The following ELFN1 variants were observed in gnomAD, a reference collection of about 807,000 sequenced individuals.
ELFN1 encodes the protein extracellular leucine rich repeat and fibronectin type III domain containing 1, also known as protein ELFN1.
In ELFN1, 6 loss-of-function variants were observed where a neutral mutation model predicts 7.6. The observed-to-expected ratio is 0.79, with a 90% CI of 0.43 to 1.56. The LOEUF (loss-of-function observed/expected upper bound fraction) is 1.56. ELFN1 is among the 40% of genes most tolerant of loss of function. ELFN1 has a pLI of 0.01. For missense variants in ELFN1, 1,169 were observed against 1,232.2 expected (o/e 0.95, Z 0.77); for synonymous variants, 657 against 588.1 (o/e 1.12, Z -1.70).
Position 1,745,604 on chromosome 7 carries a change from C to T in ELFN1, c.1008C>T (p.Pro336=). The change falls in exon 4 of 4, where the codon CCC becomes CCT. Residue 336 remains proline, a synonymous_variant. Transcript: ENST00000424383. ...CGGCCACCATCACCGTCCAGCTGCC[C>T]AGCCCGTTCCACCGGATGTACACCC... The part of the protein sequence containing the change: ...QNSATITVQL[P]SPFHRMYTLE... 1.3e-6 allele frequency: 2 copies of T among 1,551,012 alleles called. No individual in the cohort carries two copies. Among genetic ancestry groups the T allele is most frequent in the South Asian group, 2.4e-5 (2 of 84,062 alleles).
upstream of ELFN1, among the ~76,000 whole-genome samples, chr7:1,669,941 C>G (rs2128571951): frequency 6.7e-6 from 1 of 149,576 alleles, no homozygotes; most frequent in Admixed American, 6.7e-5. Flanking sequence ...AGGACGCCCC[C>G]TGCGCTTTCT....
intron 1 of ELFN1, among the ~76,000 whole-genome samples, chr7:1,682,628 T>G (rs1170016676): frequency 1.1e-5 from 1 of 92,416 alleles, no homozygotes; most frequent in African/African-American, 4.2e-5. Context: ...TTTTTTTTTG[T>G]AGAGACAAGG....
At chr7:1,727,327 G>T in intron 3 of ELFN1, among the ~76,000 whole-genome samples, 1 of 152,208 alleles carries the variant, frequency 6.6e-6, no homozygotes, top group East Asian at 1.9e-4. Context: ...TTCTGATGGG[G>T]TTATCTCCTG....
chr7:1,707,211 A>T (rs1779552655), intron 2 of ELFN1, among the ~76,000 whole-genome samples: 1 of 152,196 alleles, frequency 6.6e-6, no homozygotes, highest in African/African-American at 2.4e-5. Context: ...TGGTTCCGTG[A>T]TGTCTGGCTG....
In ELFN1 at chr7:1,746,141, G is replaced by A. The variant is rs540746203; in HGVS notation, c.1545G>A (p.Ala515=). ...EVEQYKLVES[A]DTPKASKGSY... ...AGCAGTACAAGCTGGTGGAGAGCGC[G>A]GACACCCCCAAGGCCAGCAAGGGCA... Residue 515 remains alanine (A), a synonymous_variant, in exon 4 of 4, where the codon GCG becomes GCA. Transcript: ENST00000424383. The A allele has an allele frequency of 2.6e-5, 40 of 1,548,326 alleles. No individual in the cohort carries two copies. The Admixed American group carries it at 4.3e-4, about 17-fold the overall frequency.
Position 1,705,377 on chromosome 7 carries a change from A to G in ELFN1, c.-455-3714A>G, listed in dbSNP as rs768911247. On this transcript the variant is annotated intron_variant, in intron 2 of 3. Coordinates refer to ENST00000424383, the MANE Select transcript of ELFN1 (RefSeq NM_001128636.4). This position sits in a 1 kb window ranked among gnomAD's most constrained non-coding sequence, Gnocchi z 4.3. ...GCAAATGTCAAGTTTGGGCGCCTTCATTTTTCCAACCCTCTCACCCGGACA... is the reference window on the plus strand; with the variant it reads ...GCAAATGTCAAGTTTGGGCGCCTTCGTTTTTCCAACCCTCTCACCCGGACA... Among the ~76,000 whole-genome samples the G allele has an allele frequency of 6.6e-6, 1 of 152,204 alleles. No individual in the cohort carries two copies. Among genetic ancestry groups the G allele is most frequent in the Admixed American group, 6.5e-5 (1 of 15,290 alleles).
intron 3 of ELFN1, among the ~76,000 whole-genome samples, chr7:1,741,499 G>C (rs1780612957): frequency 6.6e-6 from 1 of 152,192 alleles, no homozygotes; most frequent in South Asian, 2.1e-4. Context: ...AGAGCTGGGT[G>C]GGGAGGTGAG....
chr7:1,704,140 G>A (rs1463745025), intron 2 of ELFN1, among the ~76,000 whole-genome samples: 3 of 152,320 alleles, frequency 2.0e-5, no homozygotes, highest in East Asian at 1.9e-4. Context: ...GTGCACAACC[G>A]CTGTTGTTCT....
rs1257180377 is a variant in ELFN1 at position 1,746,189 on chromosome 7, G to A, written c.1593G>A (p.Gly531=). ...SKGSYMEVRT[G]DPPERRDCEL... ...GCAGCTACATGGAGGTTCGAACCGG[G>A]GACCCTCCGGAACGCAGGGACTGTG... is the stretch of plus-strand genomic sequence containing the variant. Residue 531 remains glycine, a synonymous_variant, in exon 4 of 4, where the codon GGG becomes GGA. Coordinates refer to ENST00000424383, the MANE Select transcript of ELFN1 (RefSeq NM_001128636.4). 2.6e-6 allele frequency: 4 copies of A among 1,550,872 alleles called. No homozygotes were observed. The highest frequency in any genetic ancestry group is 2.0e-5 in the Admixed American group (1 of 51,076).
chr7:1,735,249 C>T lies in ELFN1; in HGVS notation c.-293-9055C>T, dbSNP rs1387785246. Among the ~76,000 whole-genome samples, 6 of 152,188 alleles carry T rather than the reference C, an allele frequency of 3.9e-5. No homozygotes were observed. Among genetic ancestry groups the T allele is most frequent in the Non-Finnish European group, 7.4e-5 (5 of 68,026 alleles). On this transcript the variant is annotated intron_variant, in intron 3 of 3. Transcript: ENST00000424383. This position sits in a 1 kb window ranked among gnomAD's most constrained non-coding sequence, Gnocchi z 5.9. Reference sequence around the variant, plus strand: ...GTTGCACACTTGTAGGGTGTTCCTGCTCTTGGGGGCAGGGCAGGGGGAGCC... The same window carrying T: ...GTTGCACACTTGTAGGGTGTTCCTGTTCTTGGGGGCAGGGCAGGGGGAGCC...
chr7:1,732,512 T>A (rs1780346233), intron 3 of ELFN1, among the ~76,000 whole-genome samples: 1 of 152,262 alleles, frequency 6.6e-6, no homozygotes, highest in Non-Finnish European at 1.5e-5. Flanking sequence ...CTCAACATAG[T>A]GTCAGGGCAA....
At chr7:1,704,783 A>G (rs1240736002) in intron 2 of ELFN1, among the ~76,000 whole-genome samples, 1 of 151,968 alleles carries the variant, frequency 6.6e-6, no homozygotes, top group African/African-American at 2.4e-5. Flanking sequence ...TTGAGTGGCA[A>G]CGTCACCTGT....
rs1780720788 is a variant in ELFN1, at chr7:1,744,573, G to A, written c.-24G>A. The A allele has an allele frequency of 1.4e-6, 2 of 1,469,522 alleles. No homozygotes were observed. Among genetic ancestry groups the A allele is most frequent in the Admixed American group, 2.6e-5 (1 of 38,300 alleles). The allele number at this position is 1,469,522 out of a possible 1,614,324, so 91.0% of individuals were successfully genotyped here. A position where few individuals can be genotyped will look rare whatever the true frequency, so the allele number is the denominator to read the frequency against. ...CTGGTCCCCCTGGGCAGGCTGAATT[G>A]GGGCTCCCTGCAGGGCGGTCCCGAT... On this transcript the variant is annotated 5_prime_UTR_variant, in exon 4 of 4. Coordinates refer to ENST00000424383, the MANE Select transcript of ELFN1 (RefSeq NM_001128636.4).
Position 1,685,537 on chromosome 7 carries a change from A to G in ELFN1, c.-548-2521A>G, listed in dbSNP as rs190444954. The stretch of plus-strand genomic sequence containing the variant: ...TGTGTTCTTTAGATTGAATACTTCT[A>G]TTGATTGATCTTCAAGCACACTAAT... On this transcript the variant is annotated intron_variant, in intron 1 of 3. Transcript: ENST00000424383. Among the ~76,000 whole-genome samples, 237 of 151,986 alleles carry G rather than the reference A, an allele frequency of 1.6e-3. 1 individual carries two copies. The highest frequency in any genetic ancestry group is 3.4e-3 in the Middle Eastern group (1 of 292).
chr7:1,745,662 G>A lies in ELFN1; in HGVS notation c.1066G>A (p.Val356Met), dbSNP rs1053361407. Residue 356 changes from valine to methionine, a missense_variant, in exon 4 of 4, where the codon GTG (valine) becomes ATG (methionine). Around this residue, in one of 2 missense-constraint regions of ELFN1, gnomAD observed 914 missense variants for 872.6 expected, o/e 1.05. Transcript: ENST00000424383. ...EHFNNSKAST[V>M]SRLTKAQEEI... ...TTTCAACAACAGCAAGGCCTCCACC[G>A]TGTCCAGGCTGACCAAGGCCCAGGA... 4 of 1,551,174 alleles carry A rather than the reference G, an allele frequency of 2.6e-6. No individual in the cohort carries two copies. The highest frequency in any genetic ancestry group is 2.6e-6 in the Non-Finnish European group (3 of 1,147,008).
chr7:1,668,855 C>A (rs1778710444), upstream of ELFN1, among the ~76,000 whole-genome samples: 1 of 152,248 alleles, frequency 6.6e-6, no homozygotes, highest in African/African-American at 2.4e-5. Flanking sequence ...TCCTGCCGGC[C>A]CCTGGGGCTG....
At chr7:1,672,151 A>G (rs1414739693) in intron 1 of ELFN1, among the ~76,000 whole-genome samples, 2 of 152,300 alleles carry the variant, frequency 1.3e-5, no homozygotes, top group African/African-American at 4.8e-5. Context: ...GCCAGTGGGC[A>G]CCTGAACCAG....
intron 3 of ELFN1, among the ~76,000 whole-genome samples, chr7:1,733,716 T>C (rs1780372333): frequency 6.6e-6 from 1 of 152,128 alleles, no homozygotes; most frequent in Middle Eastern, 3.2e-3. Flanking sequence ...ATTTCTAACC[T>C]TCACCCCAAA....
chr7:1,745,847 C>A lies in ELFN1; in HGVS notation c.1251C>A (p.His417Gln). 1 of 1,587,144 alleles carries A rather than the reference C, an allele frequency of 6.3e-7. No homozygotes were observed. ...TGCCCAGCCCCTCCACGGCCACCCA[C>A]TACATCATGACCATCCTGGGCTGCC... ...GPVPSPSTAT[H>Q]YIMTILGCLF... The change falls in exon 4 of 4, where the codon CAC becomes CAA. Residue 417 changes from histidine (H) to glutamine (Q), a missense_variant. His to Gln is a conservative substitution (Grantham distance 24). Transcript: ENST00000424383.
Sources: allele counts gnomAD v4.1 joint callset (sites outside exome capture counted in the v4.1 genomes callset), GRCh38; gene constraint gnomAD v4.1.1; regional missense constraint gnomAD v4.1.1; non-coding constraint Gnocchi (gnomAD v3.1); transcripts MANE v1.5; gene names NCBI Gene and HGNC (gene_info 2026-07-23, HGNC 2026-07-21).